Variants in TOMM70 observed in about 807,000 individuals in gnomAD.
TOMM70 encodes translocase of outer mitochondrial membrane 70.
In TOMM70, 13 loss-of-function variants were observed where a neutral mutation model predicts 73.6. The ratio of observed to expected loss-of-function variants is 0.18; its 90% CI spans 0.11 to 0.28. The LOEUF (loss-of-function observed/expected upper bound fraction) is 0.28, where lower values mean the gene tolerates loss of function less well. TOMM70 is among the 10% of genes least tolerant of loss of function. The pLI is 1.00. For missense variants in TOMM70, 609 were observed against 747.5 expected (o/e 0.81, Z 2.16); for synonymous variants, 257 against 271.2 (o/e 0.95, Z 0.51).
chr3:100,373,337 A>G (rs950747084), intron 8 of TOMM70, among the ~76,000 whole-genome samples: 1 of 152,204 alleles, frequency 6.6e-6, no homozygotes, highest in Non-Finnish European at 1.5e-5. Context: ...AAAATCAGGG[A>G]CAAACATCTA....
At chr3:100,378,543 G>C (rs887838217) in intron 5 of TOMM70, among the ~76,000 whole-genome samples, 2 of 152,174 alleles carry the variant, frequency 1.3e-5, no homozygotes, top group African/African-American at 2.4e-5. Context: ...AAGAGAGACT[G>C]ATCTGCAACA....
At chr3:100,371,259 ATTTT>A (rs61515802) in intron 9 of TOMM70, among the ~76,000 whole-genome samples, 2 of 98,650 alleles carry the variant, frequency 2.0e-5, no homozygotes, top group African/African-American at 3.9e-5. Context: ...CAGCGATGGT[ATTTT>A]TTTTTTTTTT....
chr3:100,387,635 C>T (rs936739627), intron 1 of TOMM70, among the ~76,000 whole-genome samples: 1 of 110,082 alleles, frequency 9.1e-6, no homozygotes, highest in African/African-American at 3.7e-5. Flanking sequence ...CACACACACA[C>T]GTATATACTT....
At chr3:100,386,481 A>G (rs1706694338) in intron 2 of TOMM70, 137 bp from the exon 3 acceptor site, 1 of 961,344 alleles carries the variant, frequency 1.0e-6, no homozygotes, top group Non-Finnish European at 1.5e-6. Context: ...AATATCTGCA[A>G]TATATTACAA....
intron 9 of TOMM70, among the ~76,000 whole-genome samples, chr3:100,369,720 C>T (rs1213913853): frequency 3.3e-5 from 5 of 151,924 alleles, no homozygotes; most frequent in African/African-American, 1.2e-4. Flanking sequence ...AGGTTGGTCT[C>T]GAACTCCTGA....
At chr3:100,371,259 A>ATTTTTTTTTTTTTTTTTTTTTTTTTTTT (rs61515802) in intron 9 of TOMM70, among the ~76,000 whole-genome samples, 1 of 98,668 alleles carries the variant, frequency 1.0e-5, no homozygotes, top group Non-Finnish European at 2.0e-5. Context: ...CAGCGATGGT[A>ATTTTTTTTTTTTTTTTTTTTTTTTTTTT]TTTTTTTTTT....
Position 100,365,369 on chromosome 3 carries a change from A to C in TOMM70, c.*195T>G. 1.6e-6 allele frequency: 1 copy of C among 639,640 alleles called. No individual in the cohort carries two copies. Among genetic ancestry groups the C allele is most frequent in the East Asian group, 2.8e-5 (1 of 35,320 alleles). 39.6% of individuals were successfully genotyped at this position (639,640 alleles called of 1,614,324 possible). The stretch of plus-strand genomic sequence containing the variant: ...TAATCTTTTGTTGCACAGGGAATAA[A>C]AGCTGCAAGACTGCAAACTTCCTTC... On this transcript the variant is annotated 3_prime_UTR_variant, in exon 12 of 12. Coordinates refer to ENST00000284320, the MANE Select transcript of TOMM70 (RefSeq NM_014820.5).
At position 100,389,380 on chromosome 3, in the gene TOMM70, T is replaced by A. The variant is rs543885333; in HGVS notation, c.325-2402A>T. Reference sequence around the variant, plus strand: ...ACAAAAAGCAGAAAGGAAGGAAAAATAAGAAACAAAAAAGCAGAGTAAATA... The same window carrying A: ...ACAAAAAGCAGAAAGGAAGGAAAAAAAAGAAACAAAAAAGCAGAGTAAATA... On this transcript the variant is annotated intron_variant, in intron 1 of 11. Transcript: ENST00000284320. 1.4e-4 allele frequency among the ~76,000 whole-genome samples: 21 copies of A among 151,528 alleles called. 1 individual carries two copies. In the South Asian group the frequency reaches 2.9e-3, roughly 21 times the overall value.
intron 3 of TOMM70, among the ~76,000 whole-genome samples, chr3:100,385,214 G>A (rs3772692): frequency 0.17 from 25,198 of 152,104 alleles, 3,766 homozygotes; most frequent in East Asian, 0.49. Context: ...TGATAACCAC[G>A]GCTAGCGCCA....
chr3:100,365,499 C>A lies in TOMM70; in HGVS notation c.*65G>T. 6.2e-7 allele frequency: 1 copy of A among 1,602,240 alleles called. No individual in the cohort carries two copies. Among genetic ancestry groups the A allele is most frequent in the Admixed American group, 1.7e-5 (1 of 59,680 alleles). On this transcript the variant is annotated 3_prime_UTR_variant, in exon 12 of 12. Transcript: ENST00000284320. Reference sequence around the variant, plus strand: ...CATTCAACACAGTTCATGACAGTGTCTTTAGGGTTCAGTTGAAGAGGGGGT... The same window carrying A: ...CATTCAACACAGTTCATGACAGTGTATTTAGGGTTCAGTTGAAGAGGGGGT...
chr3:100,381,892 T>C (rs1576214579), intron 4 of TOMM70, 129 bp from the exon 5 acceptor site: 1 of 948,110 alleles, frequency 1.1e-6, no homozygotes. Flanking sequence ...AAAATTAAGC[T>C]CCAAGCCACA....
At chr3:100,369,810 T>A (rs944316631) in intron 9 of TOMM70, among the ~76,000 whole-genome samples, 20 of 152,162 alleles carry the variant, frequency 1.3e-4, no homozygotes, top group African/African-American at 4.8e-4. Context: ...CAGGGAATTA[T>A]CTTAAGGGCA....
Position 100,365,338 on chromosome 3 carries a change from A to C in TOMM70, c.*226T>G, listed in dbSNP as rs896567735. ...AACTTTATTTAAAAATCCCTTTAAC[A>C]TGTTCTAATCTTTTGTTGCACAGGG... is the stretch of plus-strand genomic sequence containing the variant. On this transcript the variant is annotated 3_prime_UTR_variant, in exon 12 of 12. Transcript: ENST00000284320. 1 of 503,796 alleles carries C rather than the reference A, an allele frequency of 2.0e-6. No homozygotes were observed. Among genetic ancestry groups the C allele is most frequent in the Non-Finnish European group, 3.4e-6 (1 of 293,670 alleles). The allele number at this position is 503,796 out of a possible 1,614,324, so 31.2% of individuals were successfully genotyped here. A position where few individuals can be genotyped will look rare whatever the true frequency, so the allele number is the denominator to read the frequency against.
chr3:100,394,126 G>A (rs950374671), intron 1 of TOMM70, among the ~76,000 whole-genome samples: 23 of 152,194 alleles, frequency 1.5e-4, no homozygotes, highest in African/African-American at 4.6e-4. Context: ...ATTAATCTGC[G>A]TGTGAGAAAA....
intron 10 of TOMM70, 145 bp from the exon 11 acceptor site, chr3:100,368,311 GTGTT>G: frequency 9.6e-7 from 1 of 1,037,664 alleles, no homozygotes; most frequent in Non-Finnish European, 1.3e-6. Flanking sequence ...GCATCAAATT[GTGTT>G]TTTTTTCTCA....
intron 1 of TOMM70, among the ~76,000 whole-genome samples, chr3:100,390,456 A>G (rs1489540847): frequency 6.6e-6 from 1 of 152,242 alleles, no homozygotes; most frequent in Non-Finnish European, 1.5e-5. Context: ...TGTCACAGCC[A>G]TTGTAATGCA....
In TOMM70 at chr3:100,368,195, ACCATGG is replaced by A. The variant is rs753377800; in HGVS notation, c.1551-35_1551-30del. On this transcript the variant is annotated intron_variant, in intron 10 of 11. Transcript: ENST00000284320. Reference sequence around the variant, plus strand: ...CAAATGCAAAAAAATGTCAGATGTGACCATGGCCCAGTATCAGTAGGAATACACACA... The same window carrying A: ...CAAATGCAAAAAAATGTCAGATGTGACCCAGTATCAGTAGGAATACACACA... 17 of 1,604,870 alleles carry A rather than the reference ACCATGG, an allele frequency of 1.1e-5. No homozygotes were observed. The South Asian group carries it at 1.9e-4, about 18-fold the overall frequency.
chr3:100,365,497 G>T lies in TOMM70; in HGVS notation c.*67C>A. 1.9e-6 allele frequency: 3 copies of T among 1,597,058 alleles called. No individual in the cohort carries two copies. Among genetic ancestry groups the T allele is most frequent in the Non-Finnish European group, 2.6e-6 (3 of 1,167,526 alleles). The stretch of plus-strand genomic sequence containing the variant: ...ACCATTCAACACAGTTCATGACAGT[G>T]TCTTTAGGGTTCAGTTGAAGAGGGG... On this transcript the variant is annotated 3_prime_UTR_variant, in exon 12 of 12. Coordinates refer to ENST00000284320, the MANE Select transcript of TOMM70 (RefSeq NM_014820.5).
At chr3:100,369,781 G>C (rs545713861) in intron 9 of TOMM70, among the ~76,000 whole-genome samples, 1 of 152,274 alleles carries the variant, frequency 6.6e-6, no homozygotes, top group East Asian at 1.9e-4. Context: ...GATTACAGGA[G>C]TGAGCCACCG....
Sources: allele counts gnomAD v4.1 joint callset (sites outside exome capture counted in the v4.1 genomes callset), GRCh38; gene constraint gnomAD v4.1.1; transcripts MANE v1.5; gene names NCBI Gene and HGNC (gene_info 2026-07-23, HGNC 2026-07-21).